ENOX1: variants seen among roughly 807,000 people sequenced by gnomAD.
ENOX1 encodes the protein candidate growth-related and time keeping constitutive hydroquinone (NADH) oxidase.
A neutral mutation model predicts 82.5 loss-of-function variants in ENOX1; 42 were observed. The ratio of observed to expected loss-of-function variants is 0.51; its 90% CI spans 0.40 to 0.66. The LOEUF is 0.66. Among genes scored for constraint, ENOX1 ranks in the 30% least tolerant of loss-of-function variants. The pLI is 0.00. For synonymous variants in ENOX1, 271 were observed against 282.2 expected (o/e 0.96, Z 0.40); for missense variants, 608 against 811.6 (o/e 0.75, Z 3.05).
intron 2 of ENOX1, among the ~76,000 whole-genome samples, chr13:43,660,538 G>A (rs577750239): frequency 3.3e-5 from 5 of 152,170 alleles, no homozygotes; most frequent in South Asian, 4.2e-4. Flanking sequence ...TTTAATAATC[G>A]CATGCTCTTA....
intron 4 of ENOX1, 111 bp from the exon 5 acceptor site, chr13:43,412,164 A>C: frequency 4.9e-6 from 4 of 812,020 alleles, no homozygotes; most frequent in Non-Finnish European, 7.1e-6. Flanking sequence ...CCCAAACTAC[A>C]AAAAAAAAAT....
At chr13:43,720,510 T>C (rs1447398259) in intron 1 of ENOX1, among the ~76,000 whole-genome samples, 1 of 152,194 alleles carries the variant, frequency 6.6e-6, no homozygotes, top group Non-Finnish European at 1.5e-5. Flanking sequence ...TGGACTTACC[T>C]TTTTCTCTAC....
rs539836714 is a variant in ENOX1 at position 43,721,548 on chromosome 13, T to C, written c.-284-54004A>G. 5.8e-4 allele frequency among the ~76,000 whole-genome samples: 85 copies of C among 147,544 alleles called. 1 individual carries two copies. Among genetic ancestry groups the C allele is most frequent in the Admixed American group, 2.4e-3 (35 of 14,810 alleles). ...CGCCCGCCACTACGCCCGGCTAATT[T>C]TTTGTGTTTTTAGTAGAGACGGGGT... is the stretch of plus-strand genomic sequence containing the variant. On this transcript the variant is annotated intron_variant, in intron 1 of 16. Coordinates refer to ENST00000690772, the MANE Select transcript of ENOX1 (RefSeq NM_001347969.2).
intron 2 of ENOX1, among the ~76,000 whole-genome samples, chr13:43,618,288 C>T (rs915934874): frequency 4.6e-5 from 7 of 152,192 alleles, no homozygotes; most frequent in Admixed American, 3.9e-4. Flanking sequence ...TATTGATTTG[C>T]TTTTGAGTTT....
intron 5 of ENOX1, among the ~76,000 whole-genome samples, chr13:43,404,030 C>T (rs570759626): frequency 6.6e-6 from 1 of 152,144 alleles, no homozygotes. Context: ...ACCTCTGCCC[C>T]ATCTACCTCT....
intron 15 of ENOX1, among the ~76,000 whole-genome samples, chr13:43,232,093 C>CTTTTTT (rs33932346): frequency 1.0e-4 from 11 of 109,548 alleles, no homozygotes; most frequent in Admixed American, 2.2e-4. Context: ...GCCCAGCTAA[C>CTTTTTT]TTTTTTTTTT....
intron 11 of ENOX1, among the ~76,000 whole-genome samples, chr13:43,311,462 TG>T (rs2153518688): frequency 6.6e-6 from 1 of 152,338 alleles, no homozygotes; most frequent in South Asian, 2.1e-4. Context: ...AACAAAATCT[TG>T]CCCCCCTACC....
At chr13:43,690,365 G>A (rs1486511471) in intron 1 of ENOX1, among the ~76,000 whole-genome samples, 1 of 151,560 alleles carries the variant, frequency 6.6e-6, no homozygotes, top group Non-Finnish European at 1.5e-5. Context: ...TAAATTATTA[G>A]TGTACTCAGC....
chr13:43,272,713 C>T (rs2044758842), intron 12 of ENOX1, among the ~76,000 whole-genome samples: 1 of 152,098 alleles, frequency 6.6e-6, no homozygotes, highest in African/African-American at 2.4e-5. Context: ...TATTTCTGGG[C>T]CTGACACAAG....
At chr13:43,558,957 A>C (rs767628250) in intron 2 of ENOX1, among the ~76,000 whole-genome samples, 5 of 152,182 alleles carry the variant, frequency 3.3e-5, no homozygotes, top group Non-Finnish European at 5.9e-5. Context: ...ATATGAGGAA[A>C]GTTTTTCTGT....
chr13:43,600,775 C>A (rs575667232), intron 2 of ENOX1, among the ~76,000 whole-genome samples: 18 of 152,150 alleles, frequency 1.2e-4, no homozygotes, highest in Non-Finnish European at 1.6e-4. Context: ...ATAATGGTGG[C>A]CACAGGGATG....
At chr13:43,588,199 G>A (rs2153723502) in intron 2 of ENOX1, among the ~76,000 whole-genome samples, 1 of 152,162 alleles carries the variant, frequency 6.6e-6, no homozygotes, top group East Asian at 1.9e-4. Context: ...TAAAATTAAA[G>A]CATACAAATA....
At chr13:43,726,677 G>A (rs904306620) in intron 1 of ENOX1, among the ~76,000 whole-genome samples, 1 of 152,014 alleles carries the variant, frequency 6.6e-6, no homozygotes, top group African/African-American at 2.4e-5. Context: ...TAGGATTAGA[G>A]TTCAGCTCTA....
At chr13:43,419,452 G>A (rs182076501) in intron 3 of ENOX1, among the ~76,000 whole-genome samples, 11 of 152,196 alleles carry the variant, frequency 7.2e-5, no homozygotes, top group African/African-American at 2.6e-4. Flanking sequence ...ACGCTGGGGT[G>A]GGAGGATTGC....
intron 12 of ENOX1, among the ~76,000 whole-genome samples, chr13:43,279,047 G>A (rs544512302): frequency 1.3e-5 from 2 of 152,224 alleles, no homozygotes; most frequent in South Asian, 2.1e-4. Flanking sequence ...TGCCTGAGAC[G>A]GGGAGAGTCA....
intron 2 of ENOX1, among the ~76,000 whole-genome samples, chr13:43,533,722 A>G (rs952733527): frequency 2.6e-5 from 4 of 152,188 alleles, no homozygotes; most frequent in Non-Finnish European, 4.4e-5. Context: ...CTCATGCCTT[A>G]TATTACTTAA....
chr13:43,523,807 A>C (rs2153684241), intron 2 of ENOX1, among the ~76,000 whole-genome samples: 1 of 152,218 alleles, frequency 6.6e-6, no homozygotes, highest in South Asian at 2.1e-4. Flanking sequence ...ACCATTAACT[A>C]ATGCTATGTA....
intron 1 of ENOX1, among the ~76,000 whole-genome samples, chr13:43,679,124 T>C (rs184060150): frequency 1.2e-3 from 178 of 152,270 alleles, no homozygotes; most frequent in African/African-American, 4.1e-3. Context: ...GAGCAGCAGG[T>C]TGAAAGAACT....
At chr13:43,486,719 T>C (rs2076433919) in intron 2 of ENOX1, among the ~76,000 whole-genome samples, 1 of 152,204 alleles carries the variant, frequency 6.6e-6, no homozygotes, top group South Asian at 2.1e-4. Context: ...GCTTCATTAC[T>C]TCCTGGCTGT....
Sources: allele counts gnomAD v4.1 joint callset (sites outside exome capture counted in the v4.1 genomes callset), GRCh38; gene constraint gnomAD v4.1.1; transcripts MANE v1.5; gene names NCBI Gene and HGNC (gene_info 2026-07-23, HGNC 2026-07-21).